Variants in TLE1 observed in about 807,000 individuals in gnomAD.
TLE1 encodes TLE family member 1, transcriptional corepressor.
Under a neutral mutation model 89.8 loss-of-function variants are expected in TLE1, and 21 were observed. That is an observed-to-expected ratio of 0.23 (90% CI 0.17 to 0.34). TLE1 has a LOEUF of 0.34. Ranked by LOEUF, TLE1 falls within the 10% of genes least tolerant of loss-of-function variation. The pLI is 1.00. For missense variants in TLE1, 795 were observed against 1,031.2 expected (o/e 0.77, Z 3.14); for synonymous variants, 447 against 407.6 (o/e 1.10, Z -1.16).
chr9:81,669,302 TG>T (rs1588195048), intron 4 of TLE1, among the ~76,000 whole-genome samples: 1 of 152,356 alleles, frequency 6.6e-6, no homozygotes, highest in East Asian at 1.9e-4. Flanking sequence ...CATCTCCATC[TG>T]TCTAATAGAC....
intron 8 of TLE1, among the ~76,000 whole-genome samples, chr9:81,632,850 G>A (rs1826851757): frequency 6.6e-6 from 1 of 152,132 alleles, no homozygotes; most frequent in Non-Finnish European, 1.5e-5. Flanking sequence ...AACAAGATAT[G>A]GAAACCTAGC....
At chr9:81,640,682 A>G (rs117751648) in intron 6 of TLE1, among the ~76,000 whole-genome samples, 5,113 of 152,330 alleles carry the variant, frequency 0.034, 118 homozygotes, top group Non-Finnish European at 0.048. Context: ...TTTAATTCAC[A>G]TTTTACTTAG....
chr9:81,652,135 ACACG>A, intron 6 of TLE1, 75 bp downstream of exon 6: 1 of 1,390,726 alleles, frequency 7.2e-7, no homozygotes, highest in Non-Finnish European at 1.0e-6. Context: ...ACACACACAC[ACACG>A]TAAAGCCATC....
In TLE1 at chr9:81,688,562, G is replaced by C. The variant is rs547887925; in HGVS notation, c.-322C>G. 5.8e-4 allele frequency: 175 copies of C among 302,080 alleles called. No homozygotes were observed. Among genetic ancestry groups the C allele is most frequent in the African/African-American group, 3.7e-3 (171 of 46,004 alleles). The allele number at this position is 302,080 out of a possible 1,614,324, so 18.7% of individuals were successfully genotyped here. ...AGCGCTCCAACCCCCGGCCTCAGCTGCCCGGGCGGGGAGGCGGGGGCGCGG... is the reference window on the plus strand; with the variant it reads ...AGCGCTCCAACCCCCGGCCTCAGCTCCCCGGGCGGGGAGGCGGGGGCGCGG... On this transcript the variant is annotated 5_prime_UTR_variant, in exon 1 of 20. Transcript: ENST00000376499.
At chr9:81,616,623 A>C in intron 10 of TLE1, 23 bp downstream of exon 10, 1 of 1,612,720 alleles carries the variant, frequency 6.2e-7, no homozygotes, top group East Asian at 2.2e-5. Context: ...CTGAAGACAA[A>C]CTTTGATGAA....
rs567577937 is a variant in TLE1, at chr9:81,671,975, A to T, written c.234+13701T>A. On this transcript the variant is annotated intron_variant, in intron 4 of 19. Transcript: ENST00000376499. ...ACTGTAAATGAGCCAGCCCACTTAC[A>T]AATGGAAAAAGTTCTGGGACCCAGG... Among the ~76,000 whole-genome samples the T allele has an allele frequency of 3.7e-4, 56 of 152,294 alleles. No individual in the cohort carries two copies. In the South Asian group the frequency reaches 8.3e-3, roughly 23 times the overall value.
intron 11 of TLE1, among the ~76,000 whole-genome samples, chr9:81,615,380 G>C (rs1338864029): frequency 6.6e-6 from 1 of 151,132 alleles, no homozygotes; most frequent in Non-Finnish European, 1.5e-5. Flanking sequence ...CAACTGGGAA[G>C]TTTCAGAGAG....
chr9:81,591,629 A>G (rs370497042), intron 15 of TLE1, among the ~76,000 whole-genome samples: 105 of 152,306 alleles, frequency 6.9e-4, no homozygotes, highest in African/African-American at 2.5e-3. Flanking sequence ...GGGCCCTCAT[A>G]TGATCAACTC....
chr9:81,609,229 C>T (rs1452505757), intron 14 of TLE1, among the ~76,000 whole-genome samples: 2 of 152,044 alleles, frequency 1.3e-5, no homozygotes, highest in Non-Finnish European at 2.9e-5. Flanking sequence ...GGATTACAGG[C>T]ACATACCACC....
rs56327119 is a variant in TLE1, at chr9:81,633,288, CGTGTGTGTGTGTGTGTGTGTGTGT to C, written c.594+36_594+59del. 20 of 1,569,962 alleles carry C rather than the reference CGTGTGTGTGTGTGTGTGTGTGTGT, an allele frequency of 1.3e-5. No individual in the cohort carries two copies. The Admixed American group carries it at 1.4e-4, about 11-fold the overall frequency. On this transcript the variant is annotated intron_variant, in intron 8 of 19. Transcript: ENST00000376499. Reference sequence around the variant, plus strand: ...TGGAGAAGTGTTGTCAGAAGGGGACCGTGTGTGTGTGTGTGTGTGTGTGTGTGTGTGTGTGTGCAGCAGGCGTTT... The same window carrying C: ...TGGAGAAGTGTTGTCAGAAGGGGACCGTGTGTGTGTGTGCAGCAGGCGTTT...
intron 6 of TLE1, among the ~76,000 whole-genome samples, chr9:81,644,395 TA>T (rs1294886369): frequency 1.7e-4 from 26 of 152,288 alleles, no homozygotes; most frequent in Non-Finnish European, 1.5e-5. Flanking sequence ...TAAAAAGGAC[TA>T]AAATACTGGT....
intron 6 of TLE1, among the ~76,000 whole-genome samples, chr9:81,650,603 C>T (rs1829417083): frequency 6.6e-6 from 1 of 152,084 alleles, no homozygotes; most frequent in South Asian, 2.1e-4. Context: ...CAATTCATTA[C>T]ACAAGAAAAG....
intron 4 of TLE1, among the ~76,000 whole-genome samples, chr9:81,673,165 C>A (rs569367253): frequency 6.6e-6 from 1 of 150,462 alleles, no homozygotes; most frequent in Non-Finnish European, 1.5e-5. Flanking sequence ...CCCAGCTACT[C>A]GGGAGGCTGA....
At chr9:81,678,958 T>C (rs1833249708) in intron 4 of TLE1, among the ~76,000 whole-genome samples, 1 of 152,032 alleles carries the variant, frequency 6.6e-6, no homozygotes, top group Non-Finnish European at 1.5e-5. Flanking sequence ...CTGGACAACA[T>C]GCAGAAACCC....
At chr9:81,674,475 C>A (rs3824418) in intron 4 of TLE1, among the ~76,000 whole-genome samples, 1 of 151,930 alleles carries the variant, frequency 6.6e-6, no homozygotes, top group South Asian at 2.1e-4. Context: ...TCCTTACCCC[C>A]TTACCACCCA....
intron 6 of TLE1, among the ~76,000 whole-genome samples, chr9:81,649,480 T>A (rs1040560602): frequency 6.6e-6 from 1 of 152,228 alleles, no homozygotes; most frequent in African/African-American, 2.4e-5. Flanking sequence ...TAAAGCTCCT[T>A]GATTGTACCT....
intron 8 of TLE1, among the ~76,000 whole-genome samples, chr9:81,629,398 A>C (rs762285695): frequency 1.3e-5 from 2 of 152,226 alleles, no homozygotes; most frequent in Non-Finnish European, 2.9e-5. Context: ...TCTGCTCAAG[A>C]GCTGCACTTA....
chr9:81,586,222 C>A (rs1828424894), intron 17 of TLE1, among the ~76,000 whole-genome samples: 2 of 152,040 alleles, frequency 1.3e-5, no homozygotes, highest in African/African-American at 2.4e-5. Context: ...TTTCACCGTG[C>A]CAGCCAGGAT....
intron 9 of TLE1, among the ~76,000 whole-genome samples, chr9:81,618,662 T>C (rs530656177): frequency 2.6e-5 from 4 of 152,094 alleles, no homozygotes; most frequent in Non-Finnish European, 5.9e-5. Context: ...AAAGCACAAA[T>C]GTTTCCAGGT....
Sources: gnomAD v4.1 joint callset for allele counts (sites outside exome capture counted in the v4.1 genomes callset) on GRCh38, gnomAD v4.1.1 for gene constraint, MANE v1.5 for transcripts, NCBI Gene and HGNC (gene_info 2026-07-23, HGNC 2026-07-21) for gene names.